Variants in IL9R observed in about 807,000 individuals in gnomAD.
IL9R encodes the protein interleukin-9 receptor.
A neutral mutation model predicts 56.3 loss-of-function variants in IL9R; 54 were observed. That is an observed-to-expected ratio of 0.96 (90% CI 0.77 to 1.20). The LOEUF is 1.20. IL9R is among the 50% of genes most tolerant of loss of function. The pLI, the probability that IL9R is intolerant of heterozygous loss-of-function variation, is 0.00. For missense variants in IL9R, 545 were observed against 629.8 expected (o/e 0.87, Z 1.44); for synonymous variants, 212 against 250.2 (o/e 0.85, Z 1.44).
At chrX:156,001,343 C>A in intron 1 of IL9R, 1 of 1,103,030 alleles carries the variant, frequency 9.1e-7, no homozygotes, top group Non-Finnish European at 1.4e-6. Flanking sequence ...CTGGTGGTGA[C>A]TCCAACCCTG....
chrX:156,005,065 T>C (rs3093505), intron 5 of IL9R, among the ~76,000 whole-genome samples: 36,676 of 151,912 alleles, frequency 0.24, 5,549 homozygotes, highest in East Asian at 0.44. Context: ...TGTGTGTGCA[T>C]ATGTGTATTT....
chrX:156,006,625 A>G (rs1311619665), intron 7 of IL9R, among the ~76,000 whole-genome samples: 2 of 151,672 alleles, frequency 1.3e-5, no homozygotes, highest in East Asian at 3.9e-4. Flanking sequence ...AACAAGATGG[A>G]CAAGGGCCCT....
chrX:156,001,385 C>G, intron 1 of IL9R: 1 of 1,514,000 alleles, frequency 6.6e-7, no homozygotes, highest in Non-Finnish European at 9.2e-7. Flanking sequence ...GGCTGACTGC[C>G]TTCCCCATTC....
intron 1 of IL9R, among the ~76,000 whole-genome samples, chrX:156,000,141 A>ATATAT (rs1556393968): frequency 1.5e-5 from 2 of 134,240 alleles, no homozygotes; most frequent in African/African-American, 6.7e-5. Flanking sequence ...GTCTAAAAAA[A>ATATAT]AAAAATATAT....
At chrX:156,001,520 T>TA in intron 1 of IL9R, 1 of 1,560,536 alleles carries the variant, frequency 6.4e-7, no homozygotes, top group Non-Finnish European at 8.8e-7. Flanking sequence ...TGAGGCTTCC[T>TA]GATCATCAGT....
In IL9R at chrX:156,006,507, C is replaced by T. The variant is rs752440620; in HGVS notation, c.887+319C>T. Among the ~76,000 whole-genome samples, 596 of 150,974 alleles carry T rather than the reference C, an allele frequency of 3.9e-3. 5 individuals carry two copies. Among genetic ancestry groups the T allele is most frequent in the African/African-American group, 0.012 (484 of 40,770 alleles). ...ACCCAGAGTCACCGAGATCAAGAGC[C>T]GGAGGTCCTAGTCTCCTGCCTCTGG... is the stretch of plus-strand genomic sequence containing the variant. On this transcript the variant is annotated intron_variant, in intron 7 of 8. Transcript: ENST00000244174.
At chrX:155,998,110 C>G (rs1409747482) in intron 1 of IL9R, among the ~76,000 whole-genome samples, 1 of 151,990 alleles carries the variant, frequency 6.6e-6, no homozygotes, top group Non-Finnish European at 1.5e-5. Context: ...TTGAACTGAC[C>G]TTTGTGGGGG....
chrX:156,005,274 A>C lies in IL9R; in HGVS notation c.580-4A>C, dbSNP rs753416298. 2 of 1,611,820 alleles carry C rather than the reference A, an allele frequency of 1.2e-6. No individual in the cohort carries two copies. The highest frequency in any genetic ancestry group is 1.7e-6 in the Non-Finnish European group (2 of 1,179,708). On this transcript the variant is annotated splice_region_variant and splice_polypyrimidine_tract_variant and intron_variant, in intron 5 of 8. Coordinates refer to ENST00000244174, the MANE Select transcript of IL9R (RefSeq NM_002186.3). ...CCACCTGCTAACTGTCCCCACCCCC[A>C]CAGCAGGCCCAGCACAGGGATCACA...
intron 1 of IL9R, among the ~76,000 whole-genome samples, chrX:155,998,385 C>A (rs959279960): frequency 6.6e-6 from 1 of 151,834 alleles, no homozygotes; most frequent in African/African-American, 2.4e-5. Flanking sequence ...AAGAACATCA[C>A]CCTCTCAGTT....
chrX:156,005,152 G>T, intron 5 of IL9R, 126 bp from the exon 6 acceptor site: 1 of 733,010 alleles, frequency 1.4e-6, no homozygotes, highest in Non-Finnish European at 2.4e-6. Context: ...TGGTGAGTGT[G>T]TCTGTGTGTT....
At position 156,003,873 on chromosome X, in the gene IL9R, G is replaced by A. The variant is rs775320835; in HGVS notation, c.433+18G>A. 6.2e-7 allele frequency: 1 copy of A among 1,613,422 alleles called. No individual in the cohort carries two copies. The highest frequency in any genetic ancestry group is 1.1e-5 in the South Asian group (1 of 91,032). ...GAGACACGGTGAGCAGCAGCTATAG[G>A]TCTGGGGCGGGGCCGCTTGGCAAGA... On this transcript the variant is annotated intron_variant, in intron 4 of 8. Coordinates refer to ENST00000244174, the MANE Select transcript of IL9R (RefSeq NM_002186.3).
chrX:156,006,952 A>T (rs1045675125), intron 7 of IL9R, among the ~76,000 whole-genome samples: 8 of 150,972 alleles, frequency 5.3e-5, no homozygotes, highest in Admixed American at 4.0e-4. Flanking sequence ...AGATAGAGAA[A>T]AGTGGAGAGA....
chrX:156,002,843 C>T (rs1366510779), intron 1 of IL9R, 63 bp from the exon 2 acceptor site: 1 of 1,611,396 alleles, frequency 6.2e-7, no homozygotes, highest in South Asian at 1.1e-5. Flanking sequence ...GGGAGCAATT[C>T]ATGGGGAGCA....
chrX:156,004,344 C>T, intron 4 of IL9R, 76 bp from the exon 5 acceptor site: 2 of 1,499,260 alleles, frequency 1.3e-6, no homozygotes, highest in Non-Finnish European at 1.9e-6. Context: ...GTCTTTCAGA[C>T]CCCAGTCTTG....
rs199705686 is a variant in IL9R, at chrX:156,003,019, G to A, written c.142G>A (p.Gly48Arg). The A allele has an allele frequency of 2.5e-6, 4 of 1,613,812 alleles. No homozygotes were observed. Among genetic ancestry groups the A allele is most frequent in the Non-Finnish European group, 3.4e-6 (4 of 1,179,836 alleles). ...AGTCTCTGTCACAGGGGAAGGACAA[G>A]GTGAGGGCTGGGCACTAATGTCTGT... ...LGVSVTGEGQ[G>R]PRSRTFTCLT... Residue 48 changes from glycine (G) to arginine (R), a missense_variant and splice_region_variant, in exon 2 of 9, where the codon GGG becomes AGG. Gly to Arg is a moderately radical substitution (Grantham distance 125, BLOSUM62 -2). Around this residue, in one of 2 missense-constraint regions of IL9R, gnomAD observed 431 missense variants for 360.0 expected, o/e 1.20. Coordinates refer to ENST00000244174, the MANE Select transcript of IL9R (RefSeq NM_002186.3).
At position 156,005,801 on chromosome X, in the gene IL9R, G is replaced by A. The variant is rs964596233; in HGVS notation, c.782-282G>A. Among the ~76,000 whole-genome samples, 90 of 152,188 alleles carry A rather than the reference G, an allele frequency of 5.9e-4. 2 individuals carry two copies. The highest frequency in any genetic ancestry group is 4.1e-3 in the Admixed American group (62 of 15,306). On this transcript the variant is annotated intron_variant, in intron 6 of 8. Transcript: ENST00000244174. ...TAATGGGGGCTGGACTGACCCTTGCGCACTGCAGTGCTGAGATGGCCCAGG... is the reference window on the plus strand; with the variant it reads ...TAATGGGGGCTGGACTGACCCTTGCACACTGCAGTGCTGAGATGGCCCAGG...
At position 156,003,867 on chromosome X, in the gene IL9R, C is replaced by T. The variant is rs374684845; in HGVS notation, c.433+12C>T. ...GCCCCGGAGACACGGTGAGCAGCAG[C>T]TATAGGTCTGGGGCGGGGCCGCTTG... On this transcript the variant is annotated intron_variant, in intron 4 of 8. Coordinates refer to ENST00000244174, the MANE Select transcript of IL9R (RefSeq NM_002186.3). 4.3e-6 allele frequency: 7 copies of T among 1,613,726 alleles called. No homozygotes were observed. In the South Asian group the frequency reaches 6.6e-5, roughly 15 times the overall value.
rs1318129335 is a variant in IL9R at position 156,005,237 on chromosome X, G to A, written c.580-41G>A. Reference sequence around the variant, plus strand: ...GTATTCTCGAGGGCTGAGGGACCCAGCCCCACCTTCACCACCTGCTAACTG... The same window carrying A: ...GTATTCTCGAGGGCTGAGGGACCCAACCCCACCTTCACCACCTGCTAACTG... On this transcript the variant is annotated intron_variant, in intron 5 of 8. Transcript: ENST00000244174. 18 of 1,567,498 alleles carry A rather than the reference G, an allele frequency of 1.1e-5. 1 individual carries two copies. In the African/African-American group the frequency reaches 1.4e-4, roughly 12 times the overall value.
At chrX:156,007,193 C>G (rs1358003905) in intron 7 of IL9R, among the ~76,000 whole-genome samples, 2 of 62,370 alleles carry the variant, frequency 3.2e-5, no homozygotes, top group African/African-American at 7.6e-5. Flanking sequence ...CACAGACCTT[C>G]TGCTGATGGC....
Sources: gnomAD v4.1 joint callset for allele counts (sites outside exome capture counted in the v4.1 genomes callset) on GRCh38, gnomAD v4.1.1 for gene constraint, gnomAD v4.1.1 regional missense constraint, MANE v1.5 for transcripts, NCBI Gene and HGNC (gene_info 2026-07-23, HGNC 2026-07-21) for gene names.